Variants in TTC34 observed in about 807,000 individuals in gnomAD.
TTC34 encodes tetratricopeptide repeat protein 34.
Under a neutral mutation model 40.7 loss-of-function variants are expected in TTC34, and 44 were observed. The observed-to-expected ratio is 1.08, with a 90% confidence interval of 0.85 to 1.39. TTC34 has a LOEUF of 1.39. TTC34 is among the 40% of genes most tolerant of loss of function. The pLI, the probability that TTC34 is intolerant of heterozygous loss-of-function variation, is 0.00. For synonymous variants in TTC34, 422 were observed against 398.6 expected, an observed-to-expected ratio of 1.06 and a Z score of -0.70; for missense variants, 884 against 838.0, an observed-to-expected ratio of 1.05 and a Z score of -0.68.
intron 6 of TTC34, among the ~76,000 whole-genome samples, chr1:2,773,117 A>G (rs1569845899): frequency 7.3e-6 from 1 of 136,596 alleles, no homozygotes; most frequent in Non-Finnish European, 1.6e-5. Flanking sequence ...AGCATCTGAC[A>G]GCCTGGAGCA....
At chr1:2,795,187 T>G (rs1429418196) in intron 2 of TTC34, among the ~76,000 whole-genome samples, 1 of 151,840 alleles carries the variant, frequency 6.6e-6, no homozygotes, top group Non-Finnish European at 1.5e-5. Flanking sequence ...GGAGATTGAG[T>G]GCAGTGAGCC....
intron 6 of TTC34, among the ~76,000 whole-genome samples, chr1:2,688,205 A>T (rs1570820270): frequency 8.1e-5 from 2 of 24,768 alleles, no homozygotes; most frequent in Non-Finnish European, 1.4e-4. Flanking sequence ...GCAGCACCCC[A>T]CACCCCCAGG....
At chr1:2,750,884 A>C (rs1194008866) in intron 6 of TTC34, among the ~76,000 whole-genome samples, 3,023 of 18,980 alleles carry the variant, frequency 0.16, 519 homozygotes, top group Admixed American at 0.23. Context: ...GCAGCACCCA[A>C]ACCCCCAGGC....
intron 2 of TTC34, among the ~76,000 whole-genome samples, chr1:2,793,242 G>T (rs1643681827): frequency 6.6e-6 from 1 of 152,134 alleles, no homozygotes; most frequent in Admixed American, 6.5e-5. Context: ...TTTTGCATTT[G>T]TCTCATTACT....
At chr1:2,701,847 G>C (rs1290100956) in intron 6 of TTC34, among the ~76,000 whole-genome samples, 2 of 81,566 alleles carry the variant, frequency 2.5e-5, no homozygotes, top group South Asian at 3.7e-4. Context: ...CTGACAGCCT[G>C]AAACAGCACC....
At chr1:2,647,642 A>C (rs1179670052) in intron 6 of TTC34, among the ~76,000 whole-genome samples, 1 of 151,800 alleles carries the variant, frequency 6.6e-6, no homozygotes, top group Non-Finnish European at 1.5e-5. Flanking sequence ...TCTTCTAGAA[A>C]ATTTTTTTTT....
intron 5 of TTC34, 56 bp downstream of exon 5, chr1:2,785,763 A>G: frequency 6.7e-7 from 1 of 1,497,932 alleles, no homozygotes; most frequent in Non-Finnish European, 8.9e-7. Flanking sequence ...GAGACTCCCC[A>G]TGTCCCCTGT....
chr1:2,698,394 C>G (rs1296712331), intron 6 of TTC34, among the ~76,000 whole-genome samples: 5 of 29,192 alleles, frequency 1.7e-4, no homozygotes, highest in Admixed American at 4.3e-4. Context: ...CAGCCTGGAG[C>G]AGCACCCCAC....
intron 3 of TTC34, among the ~76,000 whole-genome samples, chr1:2,788,449 T>C (rs1178837780): frequency 6.6e-6 from 1 of 151,608 alleles, no homozygotes; most frequent in Non-Finnish European, 1.5e-5. Flanking sequence ...GTGTGTGCCT[T>C]GGGGTGGACG....
At chr1:2,751,329 C>A (rs1278737705) in intron 6 of TTC34, among the ~76,000 whole-genome samples, 5 of 132,526 alleles carry the variant, frequency 3.8e-5, no homozygotes, top group South Asian at 2.5e-4. Flanking sequence ...ACAAACACCC[C>A]CAGGCGAGCA....
chr1:2,783,539 G>T, intron 6 of TTC34, 70 bp downstream of exon 6: 1 of 1,298,988 alleles, frequency 7.7e-7, no homozygotes, highest in Non-Finnish European at 9.9e-7. Context: ...TCTCCTTGGG[G>T]TGGAGGAAGG....
intron 6 of TTC34, among the ~76,000 whole-genome samples, chr1:2,750,223 G>A (rs1641269915): frequency 5.9e-5 from 8 of 135,736 alleles, no homozygotes; most frequent in East Asian, 4.6e-4. Context: ...CGCATCTGAT[G>A]GTCTGGAGCA....
exon 9 of TTC34, chr1:2,641,114 G>A: frequency 4.2e-6 from 1 of 236,608 alleles, no homozygotes; most frequent in Non-Finnish European, 7.1e-6. Flanking sequence ...AGGTGGTGTG[G>A]GGAGGGCTGG....
intron 6 of TTC34, among the ~76,000 whole-genome samples, chr1:2,752,764 G>A (rs1263472541): frequency 1.0e-4 from 12 of 120,414 alleles, no homozygotes; most frequent in Non-Finnish European, 1.2e-4. Flanking sequence ...GCGTGGAACA[G>A]CACCCATACG....
chr1:2,748,140 T>C (rs1356891681), intron 6 of TTC34, among the ~76,000 whole-genome samples: 1 of 56,518 alleles, frequency 1.8e-5, no homozygotes, highest in Non-Finnish European at 3.0e-5. Context: ...GCATCTGAAC[T>C]CATGGAGCAG....
At chr1:2,687,725 A>T (rs1381713733) in intron 6 of TTC34, among the ~76,000 whole-genome samples, 34 of 150,578 alleles carry the variant, frequency 2.3e-4, no homozygotes, top group African/African-American at 7.9e-4. Flanking sequence ...CAGCACCCAC[A>T]CCCCCAGGTG....
chr1:2,694,925 C>T (rs200038865), intron 6 of TTC34, among the ~76,000 whole-genome samples: 940 of 3,502 alleles, frequency 0.27, 43 homozygotes, highest in Admixed American at 0.35. Context: ...CACGCGAGCA[C>T]CTGACATCCT....
chr1:2,775,430 A>G (rs1024830897), intron 6 of TTC34: 1 of 145,692 alleles, frequency 6.9e-6, no homozygotes, highest in Non-Finnish European at 1.5e-5. Context: ...CAGCACCCAC[A>G]CTCCCAGGTG....
Position 2,683,567 on chromosome 1 carries a change from C to A in TTC34, c.2227-38004G>T, listed in dbSNP as rs1442363735. Among the ~76,000 whole-genome samples the A allele has an allele frequency of 7.0e-5, 10 of 142,428 alleles. 2 individuals are homozygous for A. The highest frequency in any genetic ancestry group is 1.4e-4 in the Non-Finnish European group (9 of 66,166). The allele number at this position is 142,428 out of a possible 152,430, so 93.4% of individuals were successfully genotyped here. ...AGCACCCACAACCACAGGTGAGCATCCGACAGCCTGGAACAGCACCCACAC... is the reference window on the plus strand; with the variant it reads ...AGCACCCACAACCACAGGTGAGCATACGACAGCCTGGAACAGCACCCACAC... On this transcript the variant is annotated intron_variant, in intron 6 of 8. Transcript: ENST00000401095.
Sources: gnomAD v4.1 joint callset for allele counts (sites outside exome capture counted in the v4.1 genomes callset) on GRCh38, gnomAD v4.1.1 for gene constraint, MANE v1.5 for transcripts, NCBI Gene and HGNC (gene_info 2026-07-23, HGNC 2026-07-21) for gene names.